GUCY1A2: variants seen among roughly 807,000 people sequenced by gnomAD.
GUCY1A2 encodes the protein guanylate cyclase soluble subunit alpha-2.
Under a neutral mutation model 63.5 loss-of-function variants are expected in GUCY1A2, and 27 were observed. The ratio of observed to expected loss-of-function variants is 0.43; its 90% CI spans 0.31 to 0.59. The LOEUF is 0.59. Ranked by LOEUF, GUCY1A2 falls within the 20% of genes least tolerant of loss-of-function variation. The pLI is 0.11. For missense variants in GUCY1A2, 768 were observed against 913.3 expected (o/e 0.84, Z 2.05); for synonymous variants, 364 against 343.5 (o/e 1.06, Z -0.66).
intron 3 of GUCY1A2, among the ~76,000 whole-genome samples, chr11:106,953,188 G>C (rs1860934884): frequency 6.6e-6 from 1 of 152,072 alleles, no homozygotes; most frequent in Non-Finnish European, 1.5e-5. Context: ...CTCTTATTTT[G>C]AGATATGTTC....
At chr11:106,980,939 CT>C (rs1399404147) in intron 2 of GUCY1A2, among the ~76,000 whole-genome samples, 1 of 152,056 alleles carries the variant, frequency 6.6e-6, no homozygotes, top group Non-Finnish European at 1.5e-5. Flanking sequence ...TAAAAAAGTA[CT>C]TTTTTCTCTC....
rs796797876 is a variant in GUCY1A2 at position 106,679,526 on chromosome 11, T to A, written c.*8023A>T. On this transcript the variant is annotated 3_prime_UTR_variant, in exon 8 of 8. Transcript: ENST00000526355. ...ATATTTCCTATTATTTGTGATTAAA[T>A]TTTTCAACTAAGGGAATATGTAATT... The A allele has an allele frequency of 5.1e-4, 102 of 200,508 alleles. No homozygotes were observed. The highest frequency in any genetic ancestry group is 2.2e-3 in the African/African-American group (97 of 43,632). 12.4% of individuals were successfully genotyped at this position (200,508 alleles called of 1,614,324 possible). A position where few individuals can be genotyped will look rare whatever the true frequency, so the allele number is the denominator to read the frequency against.
intron 4 of GUCY1A2, among the ~76,000 whole-genome samples, chr11:106,813,476 T>C (rs771066778): frequency 1.3e-5 from 2 of 152,058 alleles, no homozygotes; most frequent in Non-Finnish European, 2.9e-5. Flanking sequence ...ATGAAAATAT[T>C]CACCACTGTT....
intron 4 of GUCY1A2, among the ~76,000 whole-genome samples, chr11:106,925,522 C>G (rs1860509852): frequency 6.6e-6 from 1 of 152,034 alleles, no homozygotes; most frequent in Non-Finnish European, 1.5e-5. Context: ...CTAGTAGAAA[C>G]ATAAGTGGAA....
chr11:106,838,091 A>C (rs1358486102), intron 4 of GUCY1A2, among the ~76,000 whole-genome samples: 5 of 151,898 alleles, frequency 3.3e-5, no homozygotes, highest in Admixed American at 2.6e-4. Flanking sequence ...ATGCTTTCCC[A>C]ATGTCACCTC....
In GUCY1A2 at chr11:106,896,700, T is replaced by C. The variant is rs138036516; in HGVS notation, c.1206+42760A>G. Among the ~76,000 whole-genome samples the C allele has an allele frequency of 5.5e-4, 83 of 152,284 alleles. No individual in the cohort carries two copies. The East Asian group carries it at 0.013, about 23-fold the overall frequency. On this transcript the variant is annotated intron_variant, in intron 4 of 7. Coordinates refer to ENST00000526355, the MANE Select transcript of GUCY1A2 (RefSeq NM_000855.3). ...ACATGAGGATGCAGCATTCTTCTCC[T>C]CTCAAAGAGGAATATTGGAAGCACC...
chr11:106,732,301 T>G (rs1413189355), intron 6 of GUCY1A2, among the ~76,000 whole-genome samples: 2 of 152,148 alleles, frequency 1.3e-5, no homozygotes, highest in Non-Finnish European at 2.9e-5. Flanking sequence ...TAATAAATGG[T>G]GTTGGGATAA....
chr11:106,899,537 C>T (rs986064138), intron 4 of GUCY1A2, among the ~76,000 whole-genome samples: 1 of 152,092 alleles, frequency 6.6e-6, no homozygotes, highest in Non-Finnish European at 1.5e-5. Flanking sequence ...ATCAGAACAA[C>T]AACTACAGAG....
intron 3 of GUCY1A2, among the ~76,000 whole-genome samples, chr11:106,964,551 A>C (rs971030422): frequency 2.6e-5 from 4 of 152,202 alleles, no homozygotes; most frequent in African/African-American, 9.6e-5. Context: ...TTATCAGCTC[A>C]AAACCCTTGC....
intron 4 of GUCY1A2, among the ~76,000 whole-genome samples, chr11:106,879,317 C>T (rs745606802): frequency 6.6e-6 from 1 of 152,102 alleles, no homozygotes. Context: ...AAACAAGCTA[C>T]TGTCCTTGTC....
chr11:106,729,061 T>A (rs1011302495), intron 6 of GUCY1A2, among the ~76,000 whole-genome samples: 2 of 152,188 alleles, frequency 1.3e-5, no homozygotes, highest in African/African-American at 4.8e-5. Flanking sequence ...GTGCTAGGTA[T>A]AGAGGAATAA....
In GUCY1A2 at chr11:106,763,721, C is replaced by T. The variant is rs181849528; in HGVS notation, c.1836+12718G>A. On this transcript the variant is annotated intron_variant, in intron 6 of 7. Coordinates refer to ENST00000526355, the MANE Select transcript of GUCY1A2 (RefSeq NM_000855.3). ...AGAAAAAAAGCAGATTAGTATTTGG[C>T]ACTCATGCAGTTCAGTCTGCAACTC... 5.9e-5 allele frequency among the ~76,000 whole-genome samples: 9 copies of T among 152,204 alleles called. No homozygotes were observed. In the East Asian group the frequency reaches 1.7e-3, roughly 29 times the overall value.
intron 4 of GUCY1A2, among the ~76,000 whole-genome samples, chr11:106,866,620 G>A (rs1859598140): frequency 6.6e-6 from 1 of 152,030 alleles, no homozygotes; most frequent in Admixed American, 6.6e-5. Flanking sequence ...TATTTGGTCT[G>A]TGGTAATAAT....
chr11:106,909,099 A>G (rs1432519361), intron 4 of GUCY1A2, among the ~76,000 whole-genome samples: 1 of 152,100 alleles, frequency 6.6e-6, no homozygotes, highest in Non-Finnish European at 1.5e-5. Flanking sequence ...AGTTTACATC[A>G]TCAAACAACA....
At chr11:106,845,851 C>T (rs768028425) in intron 4 of GUCY1A2, among the ~76,000 whole-genome samples, 5 of 151,572 alleles carry the variant, frequency 3.3e-5, no homozygotes, top group Admixed American at 2.0e-4. Flanking sequence ...TAAAGTGTCA[C>T]CCTACAGATA....
chr11:106,891,228 T>A (rs1394250343), intron 4 of GUCY1A2, among the ~76,000 whole-genome samples: 3 of 152,138 alleles, frequency 2.0e-5, no homozygotes, highest in Non-Finnish European at 4.4e-5. Context: ...AATGTAAGCA[T>A]CTTTTTCTAT....
At chr11:106,710,043 A>G (rs1863073426) in intron 6 of GUCY1A2, among the ~76,000 whole-genome samples, 1 of 123,088 alleles carries the variant, frequency 8.1e-6, no homozygotes, top group Non-Finnish European at 1.6e-5. Flanking sequence ...TAAAGTATAT[A>G]GTTATATATA....
At chr11:106,898,034 A>G (rs1860075626) in intron 4 of GUCY1A2, among the ~76,000 whole-genome samples, 1 of 152,196 alleles carries the variant, frequency 6.6e-6, no homozygotes, top group South Asian at 2.1e-4. Context: ...AACAGAACAA[A>G]TATCTTAAAA....
At chr11:106,759,107 A>T (rs1864021454) in intron 6 of GUCY1A2, among the ~76,000 whole-genome samples, 1 of 152,020 alleles carries the variant, frequency 6.6e-6, no homozygotes, top group African/African-American at 2.4e-5. Context: ...ATCACACAAC[A>T]TACCCATGTA....
Sources: gnomAD v4.1 joint callset for allele counts (sites outside exome capture counted in the v4.1 genomes callset) on GRCh38, gnomAD v4.1.1 for gene constraint, MANE v1.5 for transcripts, NCBI Gene and HGNC (gene_info 2026-07-23, HGNC 2026-07-21) for gene names.